The following PCDH9 variants were observed in gnomAD, a reference collection of about 807,000 sequenced individuals.
PCDH9 encodes protocadherin 9, also known as protocadherin-9.
A neutral mutation model predicts 70.6 loss-of-function variants in PCDH9; 24 were observed. The ratio of observed to expected loss-of-function variants is 0.34; its 90% CI spans 0.25 to 0.48. PCDH9 has a LOEUF of 0.48. Among genes scored for constraint, PCDH9 ranks in the 20% least tolerant of loss-of-function variants. PCDH9 has a pLI of 0.99. For synonymous variants in PCDH9, 562 were observed against 558.5 expected, an observed-to-expected ratio of 1.01 and a Z score of -0.09; for missense variants, 1,281 against 1,503.6, an observed-to-expected ratio of 0.85 and a Z score of 2.45.
intron 2 of PCDH9, among the ~76,000 whole-genome samples, chr13:67,163,216 A>G (rs532948031): frequency 3.3e-4 from 51 of 152,320 alleles, no homozygotes; most frequent in Admixed American, 3.3e-3. Flanking sequence ...ATGTGTAAGT[A>G]AAGACTCTTG....
intron 4 of PCDH9, among the ~76,000 whole-genome samples, chr13:66,372,665 G>A (rs1035657353): frequency 2.0e-5 from 3 of 151,642 alleles, no homozygotes; most frequent in Non-Finnish European, 4.4e-5. Context: ...TTGGAAGAAG[G>A]GAATGTCCAT....
intron 2 of PCDH9, among the ~76,000 whole-genome samples, chr13:66,907,989 A>G (rs2082391774): frequency 6.6e-6 from 1 of 152,214 alleles, no homozygotes; most frequent in Non-Finnish European, 1.5e-5. Flanking sequence ...TTAAAAAACT[A>G]AGGATCCTTT....
intron 3 of PCDH9, among the ~76,000 whole-genome samples, chr13:66,733,855 G>A (rs1488101892): frequency 6.6e-6 from 1 of 152,020 alleles, no homozygotes; most frequent in African/African-American, 2.4e-5. Flanking sequence ...GAGTTCTTAT[G>A]AAATAACAAT....
chr13:66,939,679 A>C (rs1343725048), intron 2 of PCDH9, among the ~76,000 whole-genome samples: 1 of 151,964 alleles, frequency 6.6e-6, no homozygotes, highest in African/African-American at 2.4e-5. Flanking sequence ...CAGCCTCCCA[A>C]AGTGCTGGAA....
chr13:66,784,674 A>G (rs1386765126), intron 3 of PCDH9, among the ~76,000 whole-genome samples: 2 of 152,202 alleles, frequency 1.3e-5, no homozygotes, highest in East Asian at 1.9e-4. Context: ...TATAAATATA[A>G]AACCGTTCCA....
chr13:66,374,690 A>C (rs949991862), intron 4 of PCDH9, among the ~76,000 whole-genome samples: 1 of 152,046 alleles, frequency 6.6e-6, no homozygotes, highest in African/African-American at 2.4e-5. Flanking sequence ...CCACTCCATC[A>C]AACTTCCACC....
chr13:66,512,448 T>C (rs1022924152), intron 4 of PCDH9, among the ~76,000 whole-genome samples: 1 of 152,052 alleles, frequency 6.6e-6, no homozygotes, highest in African/African-American at 2.4e-5. Context: ...ATGCAGAAAC[T>C]ATAATAAGGA....
At chr13:67,034,913 T>A (rs1308005750) in intron 2 of PCDH9, among the ~76,000 whole-genome samples, 1 of 151,940 alleles carries the variant, frequency 6.6e-6, no homozygotes, top group African/African-American at 2.4e-5. Context: ...CCAAGAATGA[T>A]ACATCATGCC....
intron 2 of PCDH9, among the ~76,000 whole-genome samples, chr13:67,132,087 C>G (rs1764610301): frequency 6.6e-6 from 1 of 152,100 alleles, no homozygotes; most frequent in African/African-American, 2.4e-5. Context: ...TCTAGTCTGG[C>G]TTAATTATCT....
At chr13:66,431,665 C>T (rs1957772279) in intron 4 of PCDH9, among the ~76,000 whole-genome samples, 1 of 151,944 alleles carries the variant, frequency 6.6e-6, no homozygotes, top group South Asian at 2.1e-4. Flanking sequence ...CTGTCAAACT[C>T]AAAGTAGGCA....
chr13:66,983,406 GA>G (rs1171828420), intron 2 of PCDH9, among the ~76,000 whole-genome samples: 2 of 151,030 alleles, frequency 1.3e-5, no homozygotes, highest in African/African-American at 4.9e-5. Flanking sequence ...GGGTCACTAA[GA>G]AAAAAAAGTT....
chr13:66,879,670 A>G (rs2081888571), intron 3 of PCDH9, among the ~76,000 whole-genome samples: 2 of 152,206 alleles, frequency 1.3e-5, no homozygotes, highest in Non-Finnish European at 1.5e-5. Flanking sequence ...AATAACCTCA[A>G]CTAAAAGATA....
At chr13:67,131,158 A>G (rs1204098424) in intron 2 of PCDH9, among the ~76,000 whole-genome samples, 1 of 152,166 alleles carries the variant, frequency 6.6e-6, no homozygotes, top group Non-Finnish European at 1.5e-5. Context: ...GTTTGGGCCA[A>G]ATTATATATT....
intron 2 of PCDH9, chr13:67,213,749 T>C (rs1489653032): frequency 6.6e-6 from 1 of 152,166 alleles, no homozygotes; most frequent in Non-Finnish European, 1.5e-5. Context: ...TTGTTTTGTT[T>C]TAAATTCTTG....
intron 2 of PCDH9, among the ~76,000 whole-genome samples, chr13:67,037,676 T>C (rs2085037216): frequency 2.0e-5 from 3 of 152,226 alleles, no homozygotes; most frequent in African/African-American, 7.2e-5. Context: ...CAGTGAGAAC[T>C]GTAGTGTGGC....
intron 3 of PCDH9, among the ~76,000 whole-genome samples, chr13:66,866,713 C>T (rs2081582782): frequency 6.6e-6 from 1 of 152,090 alleles, no homozygotes; most frequent in Non-Finnish European, 1.5e-5. Context: ...AGAAGAATCA[C>T]TTGAACCCAG....
intron 2 of PCDH9, among the ~76,000 whole-genome samples, chr13:67,049,858 C>T (rs2085290369): frequency 6.6e-6 from 1 of 152,170 alleles, no homozygotes; most frequent in Non-Finnish European, 1.5e-5. Context: ...TTCTGCAGAA[C>T]TGCATGCAGC....
intron 3 of PCDH9, among the ~76,000 whole-genome samples, chr13:66,794,558 T>G (rs934655588): frequency 3.3e-5 from 5 of 152,116 alleles, no homozygotes; most frequent in Admixed American, 1.3e-4. Context: ...CATCTGTTCC[T>G]TAGGATAACA....
At chr13:67,170,897 C>T (rs1160801355) in intron 2 of PCDH9, among the ~76,000 whole-genome samples, 1 of 152,072 alleles carries the variant, frequency 6.6e-6, no homozygotes, top group African/African-American at 2.4e-5. Context: ...TGCACTCCAG[C>T]CTCAGTGACA....
Sources: allele counts gnomAD v4.1 joint callset (sites outside exome capture counted in the v4.1 genomes callset), GRCh38; gene constraint gnomAD v4.1.1; transcripts MANE v1.5; gene names NCBI Gene and HGNC (gene_info 2026-07-23, HGNC 2026-07-21).